Variants in ST8SIA6 observed in about 807,000 individuals in gnomAD.
The protein encoded by ST8SIA6 is ST8 alpha-N-acetyl-neuraminide alpha-2,8-sialyltransferase 6.
Under a neutral mutation model 33.6 loss-of-function variants are expected in ST8SIA6, and 39 were observed. That is an observed-to-expected ratio of 1.16 (90% CI 0.90 to 1.52). The LOEUF is 1.52. Ranked by LOEUF, ST8SIA6 falls within the 40% of genes most tolerant of loss-of-function variation. The pLI is 0.00. For missense variants in ST8SIA6, 441 were observed against 443.8 expected (o/e 0.99, Z 0.06); for synonymous variants, 172 against 167.2 (o/e 1.03, Z -0.22).
intron 2 of ST8SIA6, among the ~76,000 whole-genome samples, chr10:17,445,670 C>T (rs1404469859): frequency 6.6e-6 from 1 of 152,186 alleles, no homozygotes; most frequent in Non-Finnish European, 1.5e-5. Context: ...TTCTGTCTTC[C>T]TACATCCTCT....
chr10:17,330,973 A>T (rs1848281023), intron 5 of ST8SIA6, among the ~76,000 whole-genome samples: 1 of 152,222 alleles, frequency 6.6e-6, no homozygotes, highest in South Asian at 2.1e-4. Flanking sequence ...TATGGTGGGT[A>T]CGTTTATTGA....
At position 17,321,265 on chromosome 10, in the gene ST8SIA6, T is replaced by G; in HGVS notation, c.810A>C (p.Ala270=). ...TACCCGTGTTGGCCCTGAAGGAAAA[T>G]GCTGGCAGAAGAAAAAATGCATCTC... ...TYGDAFFLLP[A]FSFRANTGTS... is the part of the protein sequence containing the mutation. Residue 270 remains alanine, a synonymous_variant, in exon 8 of 8, where the codon GCA becomes GCC. Coordinates refer to ENST00000377602, the MANE Select transcript of ST8SIA6 (RefSeq NM_001004470.3). The G allele has an allele frequency of 6.2e-7, 1 of 1,613,930 alleles. No homozygotes were observed. Among genetic ancestry groups the G allele is most frequent in the Non-Finnish European group, 8.5e-7 (1 of 1,179,944 alleles).
chr10:17,346,963 G>T (rs117817632), intron 4 of ST8SIA6, among the ~76,000 whole-genome samples: 3,063 of 152,264 alleles, frequency 0.02, 54 homozygotes, highest in Admixed American at 0.032. Flanking sequence ...AAGCCTGCAG[G>T]TTGGACATCC....
chr10:17,335,180 T>G lies in ST8SIA6; in HGVS notation c.378-3628A>C, dbSNP rs189278828. On this transcript the variant is annotated intron_variant, in intron 4 of 7. Coordinates refer to ENST00000377602, the MANE Select transcript of ST8SIA6 (RefSeq NM_001004470.3). ...TTTTTCATGGTTTTAGTCATCTTGT[T>G]TCTCTTTAAACCTCAACTTATTTCT... Among the ~76,000 whole-genome samples, 273 of 152,344 alleles carry G rather than the reference T, an allele frequency of 1.8e-3. 1 individual carries two copies. Among genetic ancestry groups the G allele is most frequent in the African/African-American group, 6.3e-3 (263 of 41,580 alleles).
At chr10:17,441,864 T>G (rs1162972581) in intron 2 of ST8SIA6, among the ~76,000 whole-genome samples, 2 of 151,570 alleles carry the variant, frequency 1.3e-5, no homozygotes, top group East Asian at 3.9e-4. Flanking sequence ...AAAGACGATA[T>G]AAAACAATTT....
At chr10:17,336,116 C>G (rs1293669073) in intron 4 of ST8SIA6, among the ~76,000 whole-genome samples, 1 of 151,968 alleles carries the variant, frequency 6.6e-6, no homozygotes, top group Admixed American at 6.6e-5. Context: ...CCGACACGCC[C>G]GGCTTATGTT....
chr10:17,425,202 C>T (rs1039465335), intron 2 of ST8SIA6, among the ~76,000 whole-genome samples: 4 of 152,050 alleles, frequency 2.6e-5, no homozygotes, highest in East Asian at 1.9e-4. Flanking sequence ...ACACACATCT[C>T]GAGTGGCAGG....
At chr10:17,392,215 G>C (rs559326670) in intron 2 of ST8SIA6, among the ~76,000 whole-genome samples, 55 of 152,316 alleles carry the variant, frequency 3.6e-4, no homozygotes, top group African/African-American at 1.3e-3. Context: ...TATGAACCGT[G>C]ATTGGTTATG....
chr10:17,453,902 C>T (rs1853018099), intron 1 of ST8SIA6, among the ~76,000 whole-genome samples: 1 of 152,160 alleles, frequency 6.6e-6, no homozygotes, highest in African/African-American at 2.4e-5. Context: ...CTGCCTCGCC[C>T]ACAGCGATGC....
chr10:17,386,827 T>C (rs1348711053), intron 3 of ST8SIA6: 1 of 152,260 alleles, frequency 6.6e-6, no homozygotes, highest in East Asian at 1.9e-4. Flanking sequence ...TGCTACGTGA[T>C]ACCCGGTAGG....
intron 4 of ST8SIA6, among the ~76,000 whole-genome samples, chr10:17,340,463 A>G (rs141691968): frequency 6.6e-6 from 1 of 152,168 alleles, no homozygotes; most frequent in East Asian, 1.9e-4. Flanking sequence ...AAAACAGCCA[A>G]TCGGAATTAA....
At chr10:17,450,601 C>G (rs2131750503) in intron 2 of ST8SIA6, among the ~76,000 whole-genome samples, 1 of 152,228 alleles carries the variant, frequency 6.6e-6, no homozygotes, top group African/African-American at 2.4e-5. Context: ...CACTCACACC[C>G]AGCTAATTTT....
At chr10:17,328,818 G>A (rs953826647) in intron 5 of ST8SIA6, among the ~76,000 whole-genome samples, 1 of 152,172 alleles carries the variant, frequency 6.6e-6, no homozygotes, top group African/African-American at 2.4e-5. Flanking sequence ...GAACGAACCT[G>A]ACCCTGGCCT....
intron 2 of ST8SIA6, among the ~76,000 whole-genome samples, chr10:17,395,057 C>T (rs1319515169): frequency 1.3e-5 from 2 of 152,068 alleles, no homozygotes; most frequent in African/African-American, 2.4e-5. Context: ...AGGACCCTGT[C>T]GGAGATAATT....
At chr10:17,343,160 C>A (rs574906770) in intron 4 of ST8SIA6, among the ~76,000 whole-genome samples, 1 of 152,298 alleles carries the variant, frequency 6.6e-6, no homozygotes, top group Non-Finnish European at 1.5e-5. Context: ...CCTCTTCTTG[C>A]TCCTGGGACA....
Position 17,315,538 on chromosome 10 carries a change from T to C in ST8SIA6, c.*5340A>G, listed in dbSNP as rs576528120. ...ATCCATATAACATAATTCTACTCAG[T>C]AAATAAAGGCATAAACTACAGATAC... On this transcript the variant is annotated 3_prime_UTR_variant, in exon 8 of 8. Transcript: ENST00000377602. 6.6e-6 allele frequency among the ~76,000 whole-genome samples: 1 copy of C among 152,120 alleles called. No individual in the cohort carries two copies. The highest frequency in any genetic ancestry group is 2.1e-4 in the South Asian group (1 of 4,824).
At chr10:17,416,861 G>C (rs891155802) in intron 2 of ST8SIA6, among the ~76,000 whole-genome samples, 5 of 152,086 alleles carry the variant, frequency 3.3e-5, no homozygotes, top group Non-Finnish European at 5.9e-5. Flanking sequence ...CCCTTCTGAG[G>C]CTTCACTTAT....
intron 3 of ST8SIA6, among the ~76,000 whole-genome samples, chr10:17,364,518 C>A (rs759897501): frequency 6.6e-6 from 1 of 152,114 alleles, no homozygotes; most frequent in East Asian, 1.9e-4. Context: ...GGAAATGAAG[C>A]CTTATCCTCT....
intron 2 of ST8SIA6, among the ~76,000 whole-genome samples, chr10:17,446,905 C>T (rs1016823285): frequency 2.0e-5 from 3 of 148,718 alleles, no homozygotes; most frequent in Admixed American, 1.3e-4. Flanking sequence ...ATTAGCTGAG[C>T]GTGGTGGCAG....
Sources: gnomAD v4.1 joint callset for allele counts (sites outside exome capture counted in the v4.1 genomes callset) on GRCh38, gnomAD v4.1.1 for gene constraint, MANE v1.5 for transcripts, NCBI Gene and HGNC (gene_info 2026-07-23, HGNC 2026-07-21) for gene names.